SORCS2: variants seen among roughly 807,000 people sequenced by gnomAD.
SORCS2 encodes the protein sortilin related VPS10 domain containing receptor 2, also known as VPS10 domain-containing receptor SorCS2.
In SORCS2, 100 loss-of-function variants were observed where a neutral mutation model predicts 141.6. The ratio of observed to expected loss-of-function variants is 0.71; its 90% CI spans 0.60 to 0.83. SORCS2 has a LOEUF of 0.83. Ranked by LOEUF, SORCS2 falls within the 40% of genes least tolerant of loss-of-function variation. The probability of loss-of-function intolerance (pLI) is 0.00; values close to 1 mark genes in which losing one functional copy is unlikely to be tolerated. For missense variants in SORCS2, 1,646 were observed against 1,560.2 expected, an observed-to-expected ratio of 1.05 and a Z score of -0.93; for synonymous variants, 789 against 676.9, an observed-to-expected ratio of 1.17 and a Z score of -2.57.
intron 17 of SORCS2, among the ~76,000 whole-genome samples, chr4:7,716,612 C>T (rs1039556241): frequency 1.3e-5 from 2 of 152,010 alleles, no homozygotes; most frequent in South Asian, 2.1e-4. Flanking sequence ...CCACTATCCA[C>T]CCACCCATCT....
At chr4:7,214,591 G>T (rs938646916) in intron 1 of SORCS2, among the ~76,000 whole-genome samples, 4 of 152,242 alleles carry the variant, frequency 2.6e-5, no homozygotes, top group Non-Finnish European at 5.9e-5. Context: ...GTGCAGGAAG[G>T]TTGCTAAGGA....
chr4:7,538,842 A>G (rs993438905), intron 3 of SORCS2, among the ~76,000 whole-genome samples: 1 of 152,208 alleles, frequency 6.6e-6, no homozygotes, highest in African/African-American at 2.4e-5. Context: ...GCAATGAATC[A>G]AGTGAAAATT....
intron 3 of SORCS2, among the ~76,000 whole-genome samples, chr4:7,552,914 A>G (rs1713822147): frequency 6.6e-6 from 1 of 152,164 alleles, no homozygotes; most frequent in Admixed American, 6.5e-5. Context: ...GGAAGGTTAG[A>G]AAAATGGATG....
At position 7,535,873 on chromosome 4, in the gene SORCS2, G is replaced by C. The variant is rs138829306; in HGVS notation, c.648+4244G>C. Among the ~76,000 whole-genome samples, 3 of 152,388 alleles carry C rather than the reference G, an allele frequency of 2.0e-5. No homozygotes were observed. In the East Asian group the frequency reaches 5.8e-4, roughly 29 times the overall value. On this transcript the variant is annotated intron_variant, in intron 3 of 26. Coordinates refer to ENST00000507866, the MANE Select transcript of SORCS2 (RefSeq NM_020777.3). ...ACCCACCTGGTTCCCTCAGGCCCGGGTCAGGCTGCTTGCTCGTGGCATGTC... is the reference window on the plus strand; with the variant it reads ...ACCCACCTGGTTCCCTCAGGCCCGGCTCAGGCTGCTTGCTCGTGGCATGTC...
chr4:7,397,028 A>T (rs1724257437), intron 2 of SORCS2, among the ~76,000 whole-genome samples: 1 of 152,204 alleles, frequency 6.6e-6, no homozygotes, highest in South Asian at 2.1e-4. Flanking sequence ...CCTGCAAAAG[A>T]TTCTCTTTCT....
At chr4:7,463,916 A>G (rs1328948866) in intron 2 of SORCS2, among the ~76,000 whole-genome samples, 1 of 152,224 alleles carries the variant, frequency 6.6e-6, no homozygotes, top group East Asian at 1.9e-4. Flanking sequence ...GGTGATTTCA[A>G]ACAGGCACCC....
At chr4:7,353,279 C>G (rs1721058770) in intron 1 of SORCS2, among the ~76,000 whole-genome samples, 1 of 152,206 alleles carries the variant, frequency 6.6e-6, no homozygotes, top group Non-Finnish European at 1.5e-5. Context: ...CCCCAGGATG[C>G]TGGGACCCAA....
intron 7 of SORCS2, 84 bp from the exon 8 acceptor site, chr4:7,667,040 A>G (rs1722546172): frequency 2.5e-6 from 3 of 1,221,588 alleles, no homozygotes; most frequent in Admixed American, 3.5e-5. Flanking sequence ...CACTTGCTGA[A>G]TATAACATGT....
chr4:7,486,722 C>T (rs759907302), intron 2 of SORCS2, among the ~76,000 whole-genome samples: 27 of 152,152 alleles, frequency 1.8e-4, no homozygotes, highest in Admixed American at 5.9e-4. Context: ...CTGGCTCTTC[C>T]GGCTTCTAGT....
At chr4:7,429,239 C>T (rs1040921213) in intron 2 of SORCS2, among the ~76,000 whole-genome samples, 13 of 152,132 alleles carry the variant, frequency 8.5e-5, no homozygotes, top group Admixed American at 7.2e-4. Context: ...TGGAGCTGAG[C>T]GTGGGCTTCC....
chr4:7,692,459 C>T (rs567409161), intron 11 of SORCS2, among the ~76,000 whole-genome samples: 24 of 152,346 alleles, frequency 1.6e-4, no homozygotes, highest in Admixed American at 9.2e-4. Flanking sequence ...ATAAAACCTC[C>T]ACTGTAAGGA....
At chr4:7,313,310 C>A (rs1718322570) in intron 1 of SORCS2, among the ~76,000 whole-genome samples, 1 of 152,242 alleles carries the variant, frequency 6.6e-6, no homozygotes, top group Non-Finnish European at 1.5e-5. Context: ...TCATGGAGTG[C>A]CTCCTGAGTG....
At chr4:7,407,494 G>A (rs1453500885) in intron 2 of SORCS2, among the ~76,000 whole-genome samples, 1 of 152,090 alleles carries the variant, frequency 6.6e-6, no homozygotes, top group Non-Finnish European at 1.5e-5. Context: ...TATAAATAGA[G>A]CTACTCCTGC....
intron 1 of SORCS2, among the ~76,000 whole-genome samples, chr4:7,217,282 C>T (rs567425479): frequency 1.8e-4 from 27 of 152,302 alleles, no homozygotes; most frequent in Admixed American, 4.6e-4. Flanking sequence ...CCGAGGACCC[C>T]GCAGCTTGCT....
chr4:7,370,940 C>T (rs1212467382), intron 1 of SORCS2, among the ~76,000 whole-genome samples: 1 of 152,174 alleles, frequency 6.6e-6, no homozygotes, highest in African/African-American at 2.4e-5. Flanking sequence ...CTGTGGGGTC[C>T]CCCTGTCTAG....
intron 1 of SORCS2, among the ~76,000 whole-genome samples, chr4:7,241,040 T>C (rs1003118124): frequency 6.6e-6 from 1 of 152,162 alleles, no homozygotes; most frequent in Non-Finnish European, 1.5e-5. Flanking sequence ...GATCAAGAGA[T>C]TCTCCTGCCT....
intron 1 of SORCS2, among the ~76,000 whole-genome samples, chr4:7,333,146 C>G (rs1314314745): frequency 1.3e-5 from 2 of 152,180 alleles, no homozygotes; most frequent in Non-Finnish European, 2.9e-5. Context: ...CAGCCTGCCC[C>G]ACCTCTGCCT....
chr4:7,482,979 C>T (rs1730745378), intron 2 of SORCS2, among the ~76,000 whole-genome samples: 1 of 152,160 alleles, frequency 6.6e-6, no homozygotes, highest in African/African-American at 2.4e-5. Flanking sequence ...AAGGGCAGGT[C>T]CTACTGGAGC....
chr4:7,445,948 C>A (rs1245343475), intron 2 of SORCS2, among the ~76,000 whole-genome samples: 1 of 152,204 alleles, frequency 6.6e-6, no homozygotes, highest in Non-Finnish European at 1.5e-5. Flanking sequence ...CTCACACCTG[C>A]ACAGTTCCTC....
Sources: allele counts gnomAD v4.1 joint callset (sites outside exome capture counted in the v4.1 genomes callset), GRCh38; gene constraint gnomAD v4.1.1; transcripts MANE v1.5; gene names NCBI Gene and HGNC (gene_info 2026-07-23, HGNC 2026-07-21).